Variants in ZNF519 observed in about 807,000 individuals in gnomAD.
ZNF519 encodes similar to Zinc finger protein 85 (Zinc finger protein HPF4) (HTF1).
In ZNF519, 7 loss-of-function variants were observed where a neutral mutation model predicts 7.4. The ratio of observed to expected loss-of-function variants is 0.94; its 90% CI spans 0.54 to 1.77. ZNF519 has a LOEUF of 1.77. Among genes scored for constraint, ZNF519 ranks in the 40% most tolerant of loss-of-function variants. ZNF519 has a pLI of 0.00. For missense variants in ZNF519, 586 were observed against 623.1 expected, an observed-to-expected ratio of 0.94 and a Z score of 0.63; for synonymous variants, 179 against 203.3, an observed-to-expected ratio of 0.88 and a Z score of 1.02.
In ZNF519 at chr18:14,100,663, A is replaced by G. The variant is rs888374447; in HGVS notation, c.*4254T>C. On this transcript the variant is annotated 3_prime_UTR_variant, in exon 3 of 3. Transcript: ENST00000590202. ...AAATTAATGGTTTCAAAGAATCAGA[A>G]TCAGAGTGGGTATGGTGGGGAGAAG... is the stretch of plus-strand genomic sequence containing the variant. 6.6e-6 allele frequency: 1 copy of G among 152,236 alleles called. No homozygotes were observed. The highest frequency in any genetic ancestry group is 6.5e-5 in the Admixed American group (1 of 15,292). The allele number at this position is 152,236 out of a possible 1,614,324, so 9.4% of individuals were successfully genotyped here. A position where few individuals can be genotyped will look rare whatever the true frequency, so the allele number is the denominator to read the frequency against.
chr18:14,102,589 G>A lies in ZNF519; in HGVS notation c.*2328C>T, dbSNP rs1057332834. Reference sequence around the variant, plus strand: ...CATTTATGAATATATCTCTTATTTAGAGAATTACAATTTTAAACTATCAAA... The same window carrying A: ...CATTTATGAATATATCTCTTATTTAAAGAATTACAATTTTAAACTATCAAA... On this transcript the variant is annotated 3_prime_UTR_variant, in exon 3 of 3. Transcript: ENST00000590202. 1 of 152,076 alleles carries A rather than the reference G, an allele frequency of 6.6e-6. No individual in the cohort carries two copies. The highest frequency in any genetic ancestry group is 6.6e-5 in the Admixed American group (1 of 15,266). 9.4% of individuals were successfully genotyped at this position (152,076 alleles called of 1,614,324 possible). A position where few individuals can be genotyped will look rare whatever the true frequency, so the allele number is the denominator to read the frequency against.
chr18:14,119,747 C>T (rs984951529), intron 2 of ZNF519, among the ~76,000 whole-genome samples: 1 of 152,128 alleles, frequency 6.6e-6, no homozygotes, highest in African/African-American at 2.4e-5. Flanking sequence ...TGCAGCACTG[C>T]ACCAGGCTCA....
chr18:14,071,965 T>C (rs1185844336), downstream of ZNF519: 2 of 152,240 alleles, frequency 1.3e-5, no homozygotes, highest in South Asian at 2.1e-4. Context: ...AAAATGTTAA[T>C]GTGGTTTTGT....
chr18:14,072,854 A>G (rs1156284846), downstream of ZNF519: 1 of 152,186 alleles, frequency 6.6e-6, no homozygotes, highest in Non-Finnish European at 1.5e-5. Context: ...CCATACAAGC[A>G]TCCTAGCTGA....
intron 2 of ZNF519, among the ~76,000 whole-genome samples, chr18:14,089,757 AC>A (rs2046106581): frequency 6.6e-6 from 1 of 152,206 alleles, no homozygotes; most frequent in Non-Finnish European, 1.5e-5. Context: ...TTATATTTAT[AC>A]AAAATTTTTT....
At position 14,100,044 on chromosome 18, in the gene ZNF519, T is replaced by C. The variant is rs951732273; in HGVS notation, c.*4873A>G. On this transcript the variant is annotated 3_prime_UTR_variant, in exon 3 of 3. Coordinates refer to ENST00000590202, the MANE Select transcript of ZNF519 (RefSeq NM_145287.4). ...AGAAAACAAATACAATTAGAAAACA[T>C]GCAGACATGAATAAACATTTCATCA... is the stretch of plus-strand genomic sequence containing the variant. 4 of 152,048 alleles carry C rather than the reference T, an allele frequency of 2.6e-5. No individual in the cohort carries two copies. The highest frequency in any genetic ancestry group is 7.2e-5 in the African/African-American group (3 of 41,392). The allele number at this position is 152,048 out of a possible 1,614,324, so 9.4% of individuals were successfully genotyped here. A position where few individuals can be genotyped will look rare whatever the true frequency, so the allele number is the denominator to read the frequency against.
chr18:14,116,303 G>A (rs939788365), intron 2 of ZNF519, among the ~76,000 whole-genome samples: 5 of 152,072 alleles, frequency 3.3e-5, no homozygotes, highest in Admixed American at 1.3e-4. Context: ...ATTTTTTGAA[G>A]AAATATATTT....
At chr18:14,127,867 T>A (rs2046308598) in intron 1 of ZNF519, among the ~76,000 whole-genome samples, 1 of 151,740 alleles carries the variant, frequency 6.6e-6, no homozygotes, top group South Asian at 2.1e-4. Context: ...AATTGTGGGT[T>A]GTGATTGGAA....
chr18:14,127,522 A>G (rs182301414), intron 1 of ZNF519, among the ~76,000 whole-genome samples: 26 of 152,298 alleles, frequency 1.7e-4, no homozygotes, highest in African/African-American at 5.8e-4. Flanking sequence ...AAATCCCAGG[A>G]CATAAATTCA....
rs1417559588 is a variant in ZNF519, at chr18:14,103,248, A to C, written c.*1669T>G. On this transcript the variant is annotated 3_prime_UTR_variant, in exon 3 of 3. Transcript: ENST00000590202. ...AAATTTATAGAATTTTCCACTCAAA[A>C]TTAGAAGTACACATAAATCATTCTC... The C allele has an allele frequency of 6.6e-6, 1 of 152,130 alleles. No individual in the cohort carries two copies. The highest frequency in any genetic ancestry group is 1.9e-4 in the East Asian group (1 of 5,192). 9.4% of individuals were successfully genotyped at this position (152,130 alleles called of 1,614,324 possible). A position where few individuals can be genotyped will look rare whatever the true frequency, so the allele number is the denominator to read the frequency against.
chr18:14,113,649 T>C (rs901680270), intron 2 of ZNF519, among the ~76,000 whole-genome samples: 1 of 152,112 alleles, frequency 6.6e-6, no homozygotes, highest in Non-Finnish European at 1.5e-5. Context: ...TTCCCTTGTG[T>C]ACATACCTAG....
Position 14,104,578 on chromosome 18 carries a change from TTC to T in ZNF519, c.*337_*338del, listed in dbSNP as rs2046178041. 1 of 197,362 alleles carries T rather than the reference TTC, an allele frequency of 5.1e-6. No individual in the cohort carries two copies. The highest frequency in any genetic ancestry group is 2.3e-5 in the African/African-American group (1 of 43,096). The allele number at this position is 197,362 out of a possible 1,614,324, so 12.2% of individuals were successfully genotyped here. ...TGAATTTAATTACATCAATAATACT[TTC>T]TCAATCATGAATACTGTGATTACAA... On this transcript the variant is annotated 3_prime_UTR_variant, in exon 3 of 3. Coordinates refer to ENST00000590202, the MANE Select transcript of ZNF519 (RefSeq NM_145287.4).
In ZNF519 at chr18:14,105,500, GCT is replaced by G; in HGVS notation, c.1038_1039del (p.Arg346SerfsTer5). ...TTTGCCACATTCTTCACATTTGAAA[GCT>G]CTCTCTCCAGTATGGATTCTCTGAT... is the stretch of plus-strand genomic sequence containing the variant. On this transcript the variant is annotated frameshift_variant, in exon 3 of 3. Transcript: ENST00000590202. LOFTEE classifies it low-confidence loss of function (END_TRUNC). 2 of 1,613,006 alleles carry G rather than the reference GCT, an allele frequency of 1.2e-6. No individual in the cohort carries two copies. Among genetic ancestry groups the G allele is most frequent in the South Asian group, 2.2e-5 (2 of 90,968 alleles).
intron 2 of ZNF519, among the ~76,000 whole-genome samples, chr18:14,107,801 T>C (rs764302749): frequency 2.6e-5 from 4 of 152,170 alleles, no homozygotes; most frequent in Non-Finnish European, 4.4e-5. Context: ...GTATTCCCCA[T>C]GGGCCTGTGG....
In ZNF519 at chr18:14,104,614, G is replaced by A. The variant is rs1271438005; in HGVS notation, c.*303C>T. 1.2e-5 allele frequency: 3 copies of A among 252,280 alleles called. No individual in the cohort carries two copies. Among genetic ancestry groups the A allele is most frequent in the Non-Finnish European group, 2.2e-5 (3 of 134,242 alleles). The allele number at this position is 252,280 out of a possible 1,614,324, so 15.6% of individuals were successfully genotyped here. On this transcript the variant is annotated 3_prime_UTR_variant, in exon 3 of 3. Transcript: ENST00000590202. ...GAATACTGTGATTACAAAAATAAGT[G>A]AACATTGAATATAATTATGCCTCTC...
At position 14,104,650 on chromosome 18, in the gene ZNF519, G is replaced by A. The variant is rs755275788; in HGVS notation, c.*267C>T. 42 of 323,482 alleles carry A rather than the reference G, an allele frequency of 1.3e-4. No individual in the cohort carries two copies. Among genetic ancestry groups the A allele is most frequent in the Non-Finnish European group, 2.1e-4 (37 of 179,298 alleles). 20.0% of individuals were successfully genotyped at this position (323,482 alleles called of 1,614,324 possible). A position where few individuals can be genotyped will look rare whatever the true frequency, so the allele number is the denominator to read the frequency against. ...ATAATTATGCCTCTCCATCAATGTC[G>A]TCCCTCTTTTTAAACATACAATTTA... On this transcript the variant is annotated 3_prime_UTR_variant, in exon 3 of 3. Coordinates refer to ENST00000590202, the MANE Select transcript of ZNF519 (RefSeq NM_145287.4).
At position 14,124,348 on chromosome 18, in the gene ZNF519, A is replaced by G; in HGVS notation, c.130+2T>C. ...GGAATTATGTATTGAAGTTATTCTC[A>G]CCCAGGGAGACGAGGTTTCTGTAGT... On this transcript the variant is annotated splice_donor_variant, in intron 2 of 2. Transcript: ENST00000590202. LOFTEE classifies it high-confidence loss of function. 6.2e-7 allele frequency: 1 copy of G among 1,601,730 alleles called. No homozygotes were observed. Among genetic ancestry groups the G allele is most frequent in the Non-Finnish European group, 8.5e-7 (1 of 1,177,262 alleles).
chr18:14,080,095 A>G (rs1419706888), intron 3 of ZNF519: 1 of 152,138 alleles, frequency 6.6e-6, no homozygotes, highest in African/African-American at 2.4e-5. Context: ...ACCAAAGAAG[A>G]CACACAGATG....
chr18:14,124,398 A>C lies in ZNF519; in HGVS notation c.82T>G (p.Leu28Val). The C allele has an allele frequency of 6.2e-7, 1 of 1,612,670 alleles. No individual in the cohort carries two copies. Among genetic ancestry groups the C allele is most frequent in the Non-Finnish European group, 8.5e-7 (1 of 1,179,684 alleles). The change falls in exon 2 of 3, where the codon TTA (leucine) becomes GTA (valine). Residue 28 changes from leucine (L) to valine (V), a missense_variant. Coordinates refer to ENST00000590202, the MANE Select transcript of ZNF519 (RefSeq NM_145287.4). The stretch of plus-strand genomic sequence containing the variant: ...TTCTCCAACATCACATCTCTATATA[A>C]ATTCTGTTGGGCAGGGTCTAGGCAT... Reference protein sequence around the residue: ...WKCLDPAQQNLYRDVMLENYR... With the variant: ...WKCLDPAQQNVYRDVMLENYR...
Sources: gnomAD v4.1 joint callset for allele counts (sites outside exome capture counted in the v4.1 genomes callset) on GRCh38, gnomAD v4.1.1 for gene constraint, MANE v1.5 for transcripts, NCBI Gene and HGNC (gene_info 2026-07-23, HGNC 2026-07-21) for gene names.